AKAIN1: variants seen among roughly 807,000 people sequenced by gnomAD.
AKAIN1 encodes A-kinase anchor protein inhibitor 1.
A neutral mutation model predicts 3.7 loss-of-function variants in AKAIN1; 3 were observed. The observed-to-expected ratio is 0.82, with a 90% CI of 0.37 to 2.12. The LOEUF is 2.12. Ranked by LOEUF, AKAIN1 falls within the 30% of genes most tolerant of loss-of-function variation. AKAIN1 has a pLI of 0.06. For synonymous variants in AKAIN1, 31 were observed against 30.8 expected (o/e 1.01, Z -0.02); for missense variants, 82 against 82.7 (o/e 0.99, Z 0.03).
intron 1 of AKAIN1, among the ~76,000 whole-genome samples, chr18:5,155,738 G>A (rs932384766): frequency 1.3e-5 from 2 of 152,186 alleles, no homozygotes; most frequent in Non-Finnish European, 2.9e-5. Context: ...TAGACACTGT[G>A]TGATCTCATG....
rs1196296261 is a variant in AKAIN1, at chr18:5,143,996, T to C, written c.*1566A>G. 6.6e-6 allele frequency among the ~76,000 whole-genome samples: 1 copy of C among 152,256 alleles called. No individual in the cohort carries two copies. Among genetic ancestry groups the C allele is most frequent in the Non-Finnish European group, 1.5e-5 (1 of 68,052 alleles). ...ATGCAATTATATCACATCAGTTATA[T>C]GACTTTTGGTCGACTTAAACTCACT... On this transcript the variant is annotated 3_prime_UTR_variant, in exon 2 of 2. Coordinates refer to ENST00000434239, the MANE Select transcript of AKAIN1 (RefSeq NM_001145194.2).
intron 1 of AKAIN1, among the ~76,000 whole-genome samples, chr18:5,158,301 G>A (rs1211861585): frequency 2.6e-5 from 4 of 152,184 alleles, no homozygotes; most frequent in Admixed American, 2.6e-4. Flanking sequence ...ATTCGCTGCA[G>A]TGAGAGTTAA....
At chr18:5,181,819 A>G (rs1341958700) in intron 1 of AKAIN1, among the ~76,000 whole-genome samples, 5 of 152,146 alleles carry the variant, frequency 3.3e-5, no homozygotes, top group Non-Finnish European at 7.4e-5. Context: ...AATAGTATCC[A>G]GGAATATATG....
At chr18:5,152,942 C>T (rs2071087695) in intron 1 of AKAIN1, among the ~76,000 whole-genome samples, 1 of 152,166 alleles carries the variant, frequency 6.6e-6, no homozygotes, top group African/African-American at 2.4e-5. Flanking sequence ...CATGTTTCCT[C>T]ATATCTGTGC....
At chr18:5,156,548 G>T (rs9961211) in intron 1 of AKAIN1, among the ~76,000 whole-genome samples, 1 of 152,038 alleles carries the variant, frequency 6.6e-6, no homozygotes, top group African/African-American at 2.4e-5. Context: ...TTTTGAAGAC[G>T]ATTCCTTTGT....
intron 1 of AKAIN1, among the ~76,000 whole-genome samples, chr18:5,171,776 T>C (rs1367877701): frequency 6.6e-6 from 1 of 152,114 alleles, no homozygotes; most frequent in African/African-American, 2.4e-5. Context: ...TGGAGAATAG[T>C]TTGGAGGTTC....
chr18:5,158,620 T>A (rs913401354), intron 1 of AKAIN1, among the ~76,000 whole-genome samples: 1 of 152,176 alleles, frequency 6.6e-6, no homozygotes, highest in Non-Finnish European at 1.5e-5. Context: ...GAAAATAAGC[T>A]CTTTTCAGTT....
At chr18:5,178,410 T>A (rs2071238315) in intron 1 of AKAIN1, among the ~76,000 whole-genome samples, 1 of 151,948 alleles carries the variant, frequency 6.6e-6, no homozygotes, top group Non-Finnish European at 1.5e-5. Flanking sequence ...TGTCAGTATC[T>A]AAAGAGTGGC....
chr18:5,169,607 C>T (rs1205938300), intron 1 of AKAIN1, among the ~76,000 whole-genome samples: 9 of 152,044 alleles, frequency 5.9e-5, no homozygotes, highest in Non-Finnish European at 1.3e-4. Flanking sequence ...GTACCATTAC[C>T]GCGGATAATG....
chr18:5,183,646 A>G (rs1282487488), intron 1 of AKAIN1, among the ~76,000 whole-genome samples: 7 of 152,086 alleles, frequency 4.6e-5, no homozygotes, highest in Non-Finnish European at 7.4e-5. Context: ...GAAGGAAAAT[A>G]ATGCAAAGTT....
intron 1 of AKAIN1, among the ~76,000 whole-genome samples, chr18:5,191,917 A>AT (rs2071320710): frequency 6.6e-6 from 1 of 152,222 alleles, no homozygotes; most frequent in Non-Finnish European, 1.5e-5. Flanking sequence ...CTATACGCAT[A>AT]TATTTCTTAT....
intron 1 of AKAIN1, among the ~76,000 whole-genome samples, chr18:5,192,321 G>T (rs2071322861): frequency 6.6e-6 from 1 of 152,016 alleles, no homozygotes; most frequent in South Asian, 2.1e-4. Flanking sequence ...CCTCAAAAAG[G>T]ATCCTCCCAG....
upstream of AKAIN1, chr18:5,197,516 A>AAAAAAAAAAAC (rs58012253): frequency 8.3e-6 from 10 of 1,211,852 alleles, no homozygotes; most frequent in Admixed American, 1.3e-4. The surrounding 1 kb of genome is among the most constrained non-coding windows in gnomAD (Gnocchi z 6.9). Flanking sequence ...AAAAAAAAAA[A>AAAAAAAAAAAC]CTCTAAGAGC....
rs1373279565 is a variant in AKAIN1 at position 5,144,008 on chromosome 18, G to A, written c.*1554C>T. ...CACATCAGTTATATGACTTTTGGTC[G>A]ACTTAAACTCACTCTTCACTTGGCA... On this transcript the variant is annotated 3_prime_UTR_variant, in exon 2 of 2. Transcript: ENST00000434239. Among the ~76,000 whole-genome samples the A allele has an allele frequency of 6.6e-6, 1 of 152,082 alleles. No homozygotes were observed. The highest frequency in any genetic ancestry group is 2.4e-5 in the African/African-American group (1 of 41,408).
At chr18:5,190,467 T>C (rs192588655) in intron 1 of AKAIN1, among the ~76,000 whole-genome samples, 1 of 152,310 alleles carries the variant, frequency 6.6e-6, no homozygotes, top group Admixed American at 6.5e-5. Flanking sequence ...GAATTTATAA[T>C]TAATGACCTC....
chr18:5,153,810 T>C (rs2071091810), intron 1 of AKAIN1, among the ~76,000 whole-genome samples: 3 of 152,082 alleles, frequency 2.0e-5, no homozygotes, highest in Non-Finnish European at 4.4e-5. Flanking sequence ...CTGTGGAGTT[T>C]GGGTAATTAT....
rs1297943995 is a variant in AKAIN1 at position 5,168,872 on chromosome 18, A to C, written c.17-23117T>G. Among the ~76,000 whole-genome samples the C allele has an allele frequency of 2.1e-3, 318 of 148,654 alleles. 1 individual carries two copies. The highest frequency in any genetic ancestry group is 7.9e-3 in the African/African-American group (306 of 38,532). On this transcript the variant is annotated intron_variant, in intron 1 of 1. Transcript: ENST00000434239. Reference sequence around the variant, plus strand: ...CATATGAGGCAATTCATTAAAAAAAAAAAAAAAGCAAACAAACAAAAACAA... The same window carrying C: ...CATATGAGGCAATTCATTAAAAAAACAAAAAAAGCAAACAAACAAAAACAA...
intron 1 of AKAIN1, among the ~76,000 whole-genome samples, chr18:5,175,989 T>A (rs1460329462): frequency 6.6e-6 from 1 of 152,008 alleles, no homozygotes; most frequent in Non-Finnish European, 1.5e-5. Flanking sequence ...CCCTGCAAAT[T>A]ATGTAGTTGG....
rs367976212 is a variant in AKAIN1, at chr18:5,147,249, A to G, written c.17-1494T>C. ...TATCCAATGACCAAGAAGCCACCATATCAGTTCTCAGATGCCCACCTCCAG... is the reference window on the plus strand; with the variant it reads ...TATCCAATGACCAAGAAGCCACCATGTCAGTTCTCAGATGCCCACCTCCAG... On this transcript the variant is annotated intron_variant, in intron 1 of 1. Transcript: ENST00000434239. Among the ~76,000 whole-genome samples, 7 of 152,316 alleles carry G rather than the reference A, an allele frequency of 4.6e-5. No individual in the cohort carries two copies. The South Asian group carries it at 1.4e-3, about 32-fold the overall frequency.
Sources: allele counts gnomAD v4.1 joint callset (sites outside exome capture counted in the v4.1 genomes callset), GRCh38; gene constraint gnomAD v4.1.1; non-coding constraint Gnocchi (gnomAD v3.1); transcripts MANE v1.5; gene names NCBI Gene and HGNC (gene_info 2026-07-23, HGNC 2026-07-21).